CCDC141: variants seen among roughly 807,000 people sequenced by gnomAD.
CCDC141 encodes the protein coiled-coil domain-containing protein 141.
CCDC141 carries 168 observed loss-of-function variants against 181.0 expected under a neutral mutation model. That is an observed-to-expected ratio of 0.93 (90% CI 0.82 to 1.05). CCDC141 has a LOEUF of 1.05. CCDC141 is among the 50% of genes least tolerant of loss of function. The pLI is 0.00. For missense variants in CCDC141, 1,902 were observed against 1,788.5 expected, an observed-to-expected ratio of 1.06 and a Z score of -1.14; for synonymous variants, 666 against 642.3, an observed-to-expected ratio of 1.04 and a Z score of -0.56.
downstream of CCDC141, among the ~76,000 whole-genome samples, chr2:178,826,896 T>C (rs938362970): frequency 3.9e-5 from 6 of 152,058 alleles, no homozygotes; most frequent in African/African-American, 1.4e-4. Context: ...TCTTTTATTC[T>C]GCTTGCTATA....
intron 2 of CCDC141, among the ~76,000 whole-genome samples, chr2:178,998,145 C>T (rs1294621211): frequency 6.6e-6 from 1 of 152,148 alleles, no homozygotes; most frequent in African/African-American, 2.4e-5. Flanking sequence ...AAAATTTATA[C>T]AGTATTCTAC....
At chr2:178,862,891 C>T (rs1488827663) in intron 17 of CCDC141, among the ~76,000 whole-genome samples, 2 of 152,012 alleles carry the variant, frequency 1.3e-5, no homozygotes, top group Non-Finnish European at 2.9e-5. Flanking sequence ...GAAGTTAAGA[C>T]CATGTAAGTT....
chr2:178,934,503 A>G (rs1348560902), intron 6 of CCDC141, among the ~76,000 whole-genome samples: 3 of 152,184 alleles, frequency 2.0e-5, no homozygotes, highest in Non-Finnish European at 2.9e-5. Flanking sequence ...TATATGCAAA[A>G]GAAAAAAGAA....
At chr2:178,820,530 T>C in the CCDC141 span, among the ~76,000 whole-genome samples, 2 of 152,230 alleles carry the variant, frequency 1.3e-5, no homozygotes, top group African/African-American at 4.8e-5. Flanking sequence ...AAAATATTTT[T>C]ATTGAGGCTC....
chr2:178,903,048 C>A (rs1244320280), intron 8 of CCDC141, among the ~76,000 whole-genome samples: 1 of 150,280 alleles, frequency 6.7e-6, no homozygotes, highest in Non-Finnish European at 1.5e-5. Flanking sequence ...AAGCCAAAAC[C>A]ACAATGAGAT....
At chr2:179,036,642 G>A (rs553535559) in intron 2 of CCDC141, among the ~76,000 whole-genome samples, 1 of 152,188 alleles carries the variant, frequency 6.6e-6, no homozygotes, top group African/African-American at 2.4e-5. Flanking sequence ...ATTTTTTAGT[G>A]GAAAAAGTTC....
chr2:178,963,871 C>T (rs75278188), intron 4 of CCDC141, among the ~76,000 whole-genome samples: 7,115 of 150,496 alleles, frequency 0.047, 213 homozygotes, highest in South Asian at 0.08. Context: ...CGTAAAGAAA[C>T]GAATGACAAA....
At chr2:178,829,752 G>C (rs1684184245), downstream of CCDC141, 1 of 152,216 alleles carries the variant, frequency 6.6e-6, no homozygotes, top group African/African-American at 2.4e-5. Context: ...CACAATATCA[G>C]AGCATACTGG....
At chr2:179,015,021 C>T (rs1365714277) in intron 2 of CCDC141, among the ~76,000 whole-genome samples, 2 of 134,004 alleles carry the variant, frequency 1.5e-5, no homozygotes, top group Non-Finnish European at 3.1e-5. Flanking sequence ...GGAACAAACC[C>T]AAATGCCCAT....
intron 2 of CCDC141, among the ~76,000 whole-genome samples, chr2:179,015,589 C>CATATATCTCATAT (rs1382171063): frequency 1.9e-4 from 4 of 21,132 alleles, no homozygotes; most frequent in Admixed American, 6.8e-4. Flanking sequence ...ATATATATCT[C>CATATATCTCATAT]ATATGTATCT....
chr2:178,977,071 T>C (rs1456732732), intron 3 of CCDC141, among the ~76,000 whole-genome samples: 3 of 152,186 alleles, frequency 2.0e-5, no homozygotes, highest in Non-Finnish European at 4.4e-5. Context: ...TAGGAGTTTG[T>C]CTTCAGTTTA....
At chr2:179,031,206 T>G (rs1236535683) in intron 2 of CCDC141, among the ~76,000 whole-genome samples, 1 of 38,036 alleles carries the variant, frequency 2.6e-5, no homozygotes, top group East Asian at 1.4e-3. Context: ...TTTCACTTGT[T>G]TTTTTTTTTC....
At chr2:178,965,510 G>A (rs1238195995) in intron 4 of CCDC141, among the ~76,000 whole-genome samples, 4 of 152,174 alleles carry the variant, frequency 2.6e-5, no homozygotes, top group Admixed American at 2.6e-4. Context: ...CCTCACCCAG[G>A]AAGCACAAGT....
intron 6 of CCDC141, among the ~76,000 whole-genome samples, chr2:178,937,261 T>A (rs1254580742): frequency 1.3e-5 from 2 of 152,204 alleles, no homozygotes; most frequent in Non-Finnish European, 2.9e-5. Flanking sequence ...TGGAGGTATG[T>A]TCCTTCAGTA....
In CCDC141 at chr2:178,834,447, C is replaced by T. The variant is rs534855692; in HGVS notation, c.4326-7G>A. ...TTTCTGGCCCTTCTTGTACCTGAAGCAGAGAGGCAGTTTTTAAAGTCAGGA... is the reference window on the plus strand; with the variant it reads ...TTTCTGGCCCTTCTTGTACCTGAAGTAGAGAGGCAGTTTTTAAAGTCAGGA... On this transcript the variant is annotated splice_region_variant and splice_polypyrimidine_tract_variant and intron_variant, in intron 23 of 23. Transcript: ENST00000443758. 9 of 1,534,124 alleles carry T rather than the reference C, an allele frequency of 5.9e-6. No individual in the cohort carries two copies. The East Asian group carries it at 2.2e-4, about 38-fold the overall frequency.
chr2:179,017,999 A>G lies in CCDC141; in HGVS notation c.225+29285T>C, dbSNP rs192391549. 6.0e-4 allele frequency among the ~76,000 whole-genome samples: 91 copies of G among 152,280 alleles called. 1 individual carries two copies. The highest frequency in any genetic ancestry group is 1.9e-4 in the Non-Finnish European group (13 of 68,012). On this transcript the variant is annotated intron_variant, in intron 2 of 23. Transcript: ENST00000443758. Reference sequence around the variant, plus strand: ...CTGAGAAAAAGATGTTCTGGCCAACATCATAAAGCTGGTTATTTAAAGAAA... The same window carrying G: ...CTGAGAAAAAGATGTTCTGGCCAACGTCATAAAGCTGGTTATTTAAAGAAA...
At chr2:178,857,006 A>C (rs1685416887) in intron 17 of CCDC141, among the ~76,000 whole-genome samples, 1 of 152,250 alleles carries the variant, frequency 6.6e-6, no homozygotes, top group Non-Finnish European at 1.5e-5. Context: ...ATTTTTAATT[A>C]GGATTATAGC....
chr2:178,909,551 G>C (rs1321411039), intron 7 of CCDC141, among the ~76,000 whole-genome samples: 2 of 152,144 alleles, frequency 1.3e-5, no homozygotes, highest in Non-Finnish European at 2.9e-5. Context: ...AGACTGTACT[G>C]TCTGTGATTG....
chr2:178,873,555 A>G (rs763103348), intron 12 of CCDC141: 4 of 152,222 alleles, frequency 2.6e-5, no homozygotes, highest in African/African-American at 7.2e-5. Context: ...CAGCATGCCA[A>G]TGACAACTTT....
Sources: allele counts gnomAD v4.1 joint callset (sites outside exome capture counted in the v4.1 genomes callset), GRCh38; gene constraint gnomAD v4.1.1; transcripts MANE v1.5; gene names NCBI Gene and HGNC (gene_info 2026-07-23, HGNC 2026-07-21).